Variants in PDIA4 observed in about 807,000 individuals in gnomAD.
PDIA4 encodes the protein protein disulfide isomerase family A member 4, also known as protein disulfide-isomerase A4.
PDIA4 carries 33 observed loss-of-function variants against 62.1 expected under a neutral mutation model. That is an observed-to-expected ratio of 0.53 (90% CI 0.40 to 0.71). PDIA4 has a LOEUF of 0.71. Ranked by LOEUF, PDIA4 falls within the 30% of genes least tolerant of loss-of-function variation. PDIA4 has a pLI of 0.00. For synonymous variants in PDIA4, 341 were observed against 324.1 expected (o/e 1.05, Z -0.56); for missense variants, 804 against 813.6 (o/e 0.99, Z 0.14).
Position 149,012,428 on chromosome 7 carries a change from T to G in PDIA4, c.615-68A>C, listed in dbSNP as rs1018406366. The stretch of plus-strand genomic sequence containing the variant: ...GGACTCACTTTCTAGCTAAATGAGC[T>G]GCAGAAACCCATCCTGTGCTCCCTA... On this transcript the variant is annotated intron_variant, in intron 4 of 9. Coordinates refer to ENST00000652332, the MANE Select transcript of PDIA4 (RefSeq NM_004911.5). The G allele has an allele frequency of 6.6e-6, 9 of 1,353,642 alleles. No individual in the cohort carries two copies. In the African/African-American group the frequency reaches 1.1e-4, roughly 17 times the overall value. 83.9% of individuals were successfully genotyped at this position (1,353,642 alleles called of 1,614,324 possible).
At chr7:149,018,906 A>C in intron 3 of PDIA4, 86 bp downstream of exon 3, 3 of 809,170 alleles carry the variant, frequency 3.7e-6, no homozygotes, top group Middle Eastern at 4.1e-4. Flanking sequence ...AGTCCCTGGT[A>C]CCCTCAGCTT....
Position 149,012,144 on chromosome 7 carries a change from A to AG in PDIA4, c.820+10dup, listed in dbSNP as rs1487662806. On this transcript the variant is annotated intron_variant, in intron 5 of 9. Coordinates refer to ENST00000652332, the MANE Select transcript of PDIA4 (RefSeq NM_004911.5). ...TCCCCACTGTAGTGGGAGAGAAGGG[A>AG]GTGGCCATACCATATTTTTCTCGTG... is the stretch of plus-strand genomic sequence containing the variant. 6.2e-7 allele frequency: 1 copy of AG among 1,613,596 alleles called. No individual in the cohort carries two copies. Among genetic ancestry groups the AG allele is most frequent in the East Asian group, 2.2e-5 (1 of 44,874 alleles).
chr7:149,013,654 AAAGC>A (rs1434583121), intron 4 of PDIA4, among the ~76,000 whole-genome samples: 5 of 152,272 alleles, frequency 3.3e-5, no homozygotes. Flanking sequence ...CCCAGGTGAC[AAAGC>A]AAGGCCTTAT....
intron 1 of PDIA4, 148 bp from the exon 2 acceptor site, chr7:149,021,295 C>T (rs1247411067): frequency 2.8e-6 from 2 of 720,126 alleles, no homozygotes; most frequent in African/African-American, 3.6e-5. Flanking sequence ...TCAAGACCAG[C>T]CTGGCCAATA....
intron 3 of PDIA4, among the ~76,000 whole-genome samples, chr7:149,018,044 A>G (rs1824204233): frequency 6.6e-6 from 1 of 152,168 alleles, no homozygotes; most frequent in Admixed American, 6.5e-5. Flanking sequence ...CCTGGCTAAC[A>G]TGGTGAAACC....
intron 2 of PDIA4, among the ~76,000 whole-genome samples, chr7:149,019,794 G>A (rs1455715247): frequency 2.0e-5 from 3 of 152,178 alleles, no homozygotes; most frequent in Admixed American, 1.3e-4. Context: ...CTGGGCAAAA[G>A]AGTGAAAATC....
At chr7:149,019,912 A>C (rs901427599) in intron 2 of PDIA4, among the ~76,000 whole-genome samples, 1 of 152,182 alleles carries the variant, frequency 6.6e-6, no homozygotes, top group African/African-American at 2.4e-5. Flanking sequence ...ACTTCTTAAG[A>C]ATGTTAAGGT....
At position 149,021,098 on chromosome 7, in the gene PDIA4, C is replaced by T. The variant is rs1281138747; in HGVS notation, c.138G>A (p.Glu46=). Residue 46 remains glutamate, a synonymous_variant, in exon 2 of 10, where the codon GAG becomes GAA. Coordinates refer to ENST00000652332, the MANE Select transcript of PDIA4 (RefSeq NM_004911.5). The part of the protein sequence containing the change: ...NAIEDEEEEE[E]EDDDEEEDDL... ...CGTCTTCTTCCTCATCATCATCTTC[C>T]TCCTCCTCCTCCTCTTCATCCTCAA... The T allele has an allele frequency of 1.9e-6, 3 of 1,559,552 alleles. No individual in the cohort carries two copies. The highest frequency in any genetic ancestry group is 2.6e-6 in the Non-Finnish European group (3 of 1,135,192).
At chr7:149,011,739 A>C (rs1274553026) in intron 6 of PDIA4, 107 bp downstream of exon 6, 1 of 924,680 alleles carries the variant, frequency 1.1e-6, no homozygotes, top group African/African-American at 1.7e-5. Flanking sequence ...GAGATGGCTC[A>C]TCAAACCACC....
In PDIA4 at chr7:149,019,152, G is replaced by A. The variant is rs1296768988; in HGVS notation, c.315C>T (p.Ala105=). ...GAGGATCTTTATCCTTTAATATGTT[G>A]GCAATTTTTTCATATTCCGGAGCAA... ...KQFAPEYEKI[A]NILKDKDPPI... Residue 105 remains alanine (A), a synonymous_variant, in exon 3 of 10, where the codon GCC becomes GCT. Coordinates refer to ENST00000652332, the MANE Select transcript of PDIA4 (RefSeq NM_004911.5). 6 of 1,613,802 alleles carry A rather than the reference G, an allele frequency of 3.7e-6. No homozygotes were observed. Among genetic ancestry groups the A allele is most frequent in the Non-Finnish European group, 5.1e-6 (6 of 1,179,924 alleles).
At chr7:149,026,188 G>C (rs1042823952) in intron 1 of PDIA4, among the ~76,000 whole-genome samples, 11 of 152,182 alleles carry the variant, frequency 7.2e-5, no homozygotes, top group Non-Finnish European at 1.5e-5. Context: ...TCTATGACAG[G>C]TTTTGACAGT....
intron 8 of PDIA4, 78 bp from the exon 9 acceptor site, chr7:149,005,452 G>A (rs1033347406): frequency 2.3e-6 from 2 of 874,690 alleles, no homozygotes; most frequent in Admixed American, 3.7e-5. Context: ...CAGGCTTCAG[G>A]TCCTGTCGCT....
At chr7:149,016,061 G>A (rs1390433592) in intron 3 of PDIA4, among the ~76,000 whole-genome samples, 2 of 152,224 alleles carry the variant, frequency 1.3e-5, no homozygotes, top group Non-Finnish European at 2.9e-5. Flanking sequence ...TTGGGAGGCC[G>A]AGGTGGGTGG....
chr7:149,015,065 G>A (rs375492981), intron 3 of PDIA4, 23 bp from the exon 4 acceptor site: 2 of 1,613,464 alleles, frequency 1.2e-6, no homozygotes, highest in African/African-American at 1.3e-5. Flanking sequence ...AAGCAAGACT[G>A]AGCACACAAG....
In PDIA4 at chr7:149,014,927, A is replaced by G; in HGVS notation, c.591T>C (p.Ile197=). 3.1e-6 allele frequency: 5 copies of G among 1,614,192 alleles called. No homozygotes were observed. The highest frequency in any genetic ancestry group is 4.2e-6 in the Non-Finnish European group (5 of 1,180,012). The change falls in exon 4 of 10, where the codon ATT becomes ATC. Residue 197 remains isoleucine (I), a synonymous_variant. Transcript: ENST00000652332. ...FDEVVNDADI[I]LVEFYAPWCG... ...ACCATGGGGCATAAAACTCCACCAG[A>G]ATGATATCTGCATCATTCACAACTT...
chr7:149,012,475 A>G, intron 4 of PDIA4, 115 bp from the exon 5 acceptor site: 1 of 855,764 alleles, frequency 1.2e-6, no homozygotes, highest in Non-Finnish European at 1.9e-6. Context: ...ACACCCAGTA[A>G]GCCTCCGAAT....
chr7:149,023,731 A>C lies in PDIA4; in HGVS notation c.89-2584T>G, dbSNP rs1432200118. ...ACTAATTGGCTCGGTGCACAGCATA[A>C]GACTGACGTTTGCAGCGAAGAGGCC... On this transcript the variant is annotated intron_variant, in intron 1 of 9. Coordinates refer to ENST00000652332, the MANE Select transcript of PDIA4 (RefSeq NM_004911.5). Among the ~76,000 whole-genome samples the C allele has an allele frequency of 2.6e-5, 4 of 152,194 alleles. No individual in the cohort carries two copies. The East Asian group carries it at 7.7e-4, about 29-fold the overall frequency.
intron 8 of PDIA4, among the ~76,000 whole-genome samples, 168 bp downstream of exon 8, chr7:149,005,729 C>A (rs1823732192): frequency 6.6e-6 from 1 of 152,166 alleles, no homozygotes; most frequent in South Asian, 2.1e-4. Context: ...AAAAGGGAAG[C>A]CATCAATTAA....
At chr7:149,017,770 A>C (rs1464507917) in intron 3 of PDIA4, among the ~76,000 whole-genome samples, 1 of 152,242 alleles carries the variant, frequency 6.6e-6, no homozygotes, top group African/African-American at 2.4e-5. Context: ...TCATTTAATA[A>C]AATGCATGTA....
Sources: allele counts gnomAD v4.1 joint callset (sites outside exome capture counted in the v4.1 genomes callset), GRCh38; gene constraint gnomAD v4.1.1; transcripts MANE v1.5; gene names NCBI Gene and HGNC (gene_info 2026-07-23, HGNC 2026-07-21).